TAGAP: variants seen among roughly 807,000 people sequenced by gnomAD.
TAGAP encodes the protein T cell activation RhoGTPase activating protein.
In TAGAP, 16 loss-of-function variants were observed where a neutral mutation model predicts 36.0. The observed-to-expected ratio is 0.44, with a 90% CI of 0.30 to 0.68. The LOEUF (loss-of-function observed/expected upper bound fraction) is 0.68. Ranked by LOEUF, TAGAP falls within the 30% of genes least tolerant of loss-of-function variation. The pLI is 0.09. For missense variants in TAGAP, 794 were observed against 921.5 expected, an observed-to-expected ratio of 0.86 and a Z score of 1.79; for synonymous variants, 372 against 377.4, an observed-to-expected ratio of 0.99 and a Z score of 0.17.
In TAGAP at chr6:159,036,373, G is replaced by A. The variant is rs566681621; in HGVS notation, c.1650C>T (p.Ala550=). Residue 550 remains alanine, a synonymous_variant, in exon 10 of 10, where the codon GCC becomes GCT. Coordinates refer to ENST00000367066, the MANE Select transcript of TAGAP (RefSeq NM_054114.5). The surrounding 1 kb of genome is among the most constrained non-coding windows in gnomAD (Gnocchi z 4.9). The stretch of plus-strand genomic sequence containing the variant: ...ACCCATTTTCCTGCACGATTCGGCC[G>A]GCAAGCTGGCTTTCCTTTCTGACAC... ...PRGVRKESQL[A]GRIVQENGCE... 1.9e-6 allele frequency: 3 copies of A among 1,614,034 alleles called. No homozygotes were observed. The highest frequency in any genetic ancestry group is 2.2e-5 in the South Asian group (2 of 91,072).
Position 159,035,716 on chromosome 6 carries a change from A to C in TAGAP, c.*111T>G. 1.7e-6 allele frequency: 2 copies of C among 1,177,146 alleles called. No individual in the cohort carries two copies. Among genetic ancestry groups the C allele is most frequent in the African/African-American group, 1.5e-5 (1 of 65,084 alleles). The allele number at this position is 1,177,146 out of a possible 1,614,324, so 72.9% of individuals were successfully genotyped here. The stretch of plus-strand genomic sequence containing the variant: ...TCCTCACTGAGGAGGGCTTTCCACA[A>C]CTTTCTCAAGGAGCTTATTCAAGAC... On this transcript the variant is annotated 3_prime_UTR_variant, in exon 10 of 10. Coordinates refer to ENST00000367066, the MANE Select transcript of TAGAP (RefSeq NM_054114.5).
rs1389899774 is a variant in TAGAP at position 159,042,170 on chromosome 6, CA to C, written c.222del (p.Ala76LeufsTer6). The part of the protein sequence containing the change: ...MRRLSPASDF[S>X]GALETDLKAS... ...GCTTTCAAGTCTGTCTCCAAAGCCC[CA>C]GAAAAATCTGATGCAGGGGAGAGCC... On this transcript the variant is annotated frameshift_variant, in exon 5 of 10. Transcript: ENST00000367066. LOFTEE classifies it high-confidence loss of function. 1 of 1,614,194 alleles carries C rather than the reference CA, an allele frequency of 6.2e-7. No homozygotes were observed. The highest frequency in any genetic ancestry group is 2.2e-5 in the East Asian group (1 of 44,890).
intron 3 of TAGAP, 89 bp from the exon 4 acceptor site, chr6:159,043,744 A>G (rs1400201028): frequency 3.7e-6 from 5 of 1,338,294 alleles, no homozygotes; most frequent in Non-Finnish European, 5.3e-6. Context: ...CATTTTATTC[A>G]TATTAAAAAT....
chr6:159,044,925 A>G lies in TAGAP; in HGVS notation c.-105T>C, dbSNP rs1779875124. 2.5e-6 allele frequency: 1 copy of G among 398,706 alleles called. No individual in the cohort carries two copies. Among genetic ancestry groups the G allele is most frequent in the South Asian group, 1.3e-4 (1 of 7,860 alleles). 24.7% of individuals were successfully genotyped at this position (398,706 alleles called of 1,614,324 possible). A position where few individuals can be genotyped will look rare whatever the true frequency, so the allele number is the denominator to read the frequency against. ...AGTTCTTTTACATCCGGTGAGCTGTAAAGAATGGGAGAAACAGCATAACTC... is the reference window on the plus strand; with the variant it reads ...AGTTCTTTTACATCCGGTGAGCTGTGAAGAATGGGAGAAACAGCATAACTC... On this transcript the variant is annotated 5_prime_UTR_variant, in exon 1 of 10. Coordinates refer to ENST00000367066, the MANE Select transcript of TAGAP (RefSeq NM_054114.5).
rs1307728125 is a variant in TAGAP at position 159,041,274 on chromosome 6, A to G, written c.477+80T>C. On this transcript the variant is annotated intron_variant, in intron 6 of 9. Transcript: ENST00000367066. This position sits in a 1 kb window ranked among gnomAD's most constrained non-coding sequence, Gnocchi z 4.1. ...CAGTGTACCTTGCTGTGTGGGGAGA[A>G]GAGCCTATTTCTTGCATCCTGAGAA... The G allele has an allele frequency of 6.5e-7, 1 of 1,538,478 alleles. No homozygotes were observed.
Position 159,041,167 on chromosome 6 carries a change from T to C in TAGAP, c.477+187A>G, listed in dbSNP as rs1779733715. ...GGAGAGCAGAATGCATCACTTTCTG[T>C]TGGAATCTGAGGTCACAGAAACAGA... On this transcript the variant is annotated intron_variant, in intron 6 of 9. Coordinates refer to ENST00000367066, the MANE Select transcript of TAGAP (RefSeq NM_054114.5). The surrounding 1 kb of genome is among the most constrained non-coding windows in gnomAD (Gnocchi z 4.1). 1 of 748,104 alleles carries C rather than the reference T, an allele frequency of 1.3e-6. No individual in the cohort carries two copies. The highest frequency in any genetic ancestry group is 2.8e-5 in the East Asian group (1 of 36,048). The allele number at this position is 748,104 out of a possible 1,614,324, so 46.3% of individuals were successfully genotyped here. A position where few individuals can be genotyped will look rare whatever the true frequency, so the allele number is the denominator to read the frequency against.
chr6:159,039,120 G>C lies in TAGAP; in HGVS notation c.777C>G (p.Asn259Lys). The C allele has an allele frequency of 6.2e-7, 1 of 1,614,218 alleles. No homozygotes were observed. Among genetic ancestry groups the C allele is most frequent in the South Asian group, 1.1e-5 (1 of 91,080 alleles). Residue 259 changes from asparagine to lysine, a missense_variant, in exon 8 of 10, where the codon AAC becomes AAG. Coordinates refer to ENST00000367066, the MANE Select transcript of TAGAP (RefSeq NM_054114.5). ...ATCAGTAAGCAGAACAAACCTTGTT[G>C]TTCAGGTCCTTCTGGGCTTCAAATG... is the stretch of plus-strand genomic sequence containing the variant. ...SLSFEAQKDL[N>K]NKVKTLVEFL...
At position 159,034,922 on chromosome 6, in the gene TAGAP, G is replaced by A. The variant is rs1779478237; in HGVS notation, c.*905C>T. 1 of 152,312 alleles carries A rather than the reference G, an allele frequency of 6.6e-6. No homozygotes were observed. The highest frequency in any genetic ancestry group is 1.5e-5 in the Non-Finnish European group (1 of 68,036). The allele number at this position is 152,312 out of a possible 1,614,324, so 9.4% of individuals were successfully genotyped here. On this transcript the variant is annotated 3_prime_UTR_variant, in exon 10 of 10. Transcript: ENST00000367066. ...AAATGCTTGTTGAGTGAACCAATATGTGAATGATTTTCTTAGTGGATTTCT... is the reference window on the plus strand; with the variant it reads ...AAATGCTTGTTGAGTGAACCAATATATGAATGATTTTCTTAGTGGATTTCT...
At chr6:159,038,065 G>C (rs556418748) in intron 9 of TAGAP, 49 bp downstream of exon 9, 1 of 1,235,172 alleles carries the variant, frequency 8.1e-7, no homozygotes, top group South Asian at 1.3e-5. Flanking sequence ...TGGCAGACTG[G>C]CATGAACTTT....
At position 159,036,323 on chromosome 6, in the gene TAGAP, C is replaced by T. The variant is rs764365414; in HGVS notation, c.1700G>A (p.Arg567His). 6.8e-6 allele frequency: 11 copies of T among 1,613,674 alleles called. No homozygotes were observed. The highest frequency in any genetic ancestry group is 7.6e-6 in the Non-Finnish European group (9 of 1,180,002). ...NGCETHNQTA[R>H]GFCLRPHALS... is the part of the protein sequence containing the mutation. ...GGCGTGGGGTCTCAGGCAGAAGCCG[C>T]GGGCTGTTTGGTTGTGGGTTTCACA... The change falls in exon 10 of 10, where the codon CGC becomes CAC. Residue 567 changes from arginine (R) to histidine (H), a missense_variant. Coordinates refer to ENST00000367066, the MANE Select transcript of TAGAP (RefSeq NM_054114.5). The surrounding 1 kb of genome is among the most constrained non-coding windows in gnomAD (Gnocchi z 4.9).
At position 159,036,659 on chromosome 6, in the gene TAGAP, A is replaced by G. The variant is rs779630199; in HGVS notation, c.1364T>C (p.Leu455Pro). 2 of 1,614,190 alleles carry G rather than the reference A, an allele frequency of 1.2e-6. No individual in the cohort carries two copies. The highest frequency in any genetic ancestry group is 1.6e-4 in the Middle Eastern group (1 of 6,062). ...LAPGSVLPRA[L>P]VLKAFSSSSL... ...GCTGCTGGAGAAGGCTTTGAGAACC[A>G]GTGCCCGCGGGAGCACCGAACCCGG... Residue 455 changes from leucine to proline, a missense_variant, in exon 10 of 10, where the codon CTG (leucine) becomes CCG (proline). Leu to Pro is a moderately conservative substitution (Grantham distance 98). Transcript: ENST00000367066. The surrounding 1 kb of genome is among the most constrained non-coding windows in gnomAD (Gnocchi z 4.9).
intron 6 of TAGAP, 66 bp from the exon 7 acceptor site, chr6:159,040,898 C>T: frequency 2.2e-6 from 3 of 1,336,094 alleles, no homozygotes; most frequent in Non-Finnish European, 2.1e-6. Context: ...TTGTTTTCAC[C>T]CGGTTTTCGT....
intron 7 of TAGAP, among the ~76,000 whole-genome samples, 173 bp downstream of exon 7, chr6:159,040,550 T>C (rs1779709952): frequency 6.6e-6 from 1 of 152,212 alleles, no homozygotes; most frequent in Non-Finnish European, 1.5e-5. Context: ...AATTCAAAAG[T>C]CCAGGGCACC....
chr6:159,039,572 G>C (rs1219461656), intron 7 of TAGAP, among the ~76,000 whole-genome samples: 1 of 152,178 alleles, frequency 6.6e-6, no homozygotes, highest in South Asian at 2.1e-4. Flanking sequence ...TTTATACAGA[G>C]CTTAAATTAT....
intron 7 of TAGAP, among the ~76,000 whole-genome samples, chr6:159,039,833 A>ATCGCAACATTGTTTCTAATGAT (rs1779684866): frequency 6.6e-6 from 1 of 152,238 alleles, no homozygotes; most frequent in Non-Finnish European, 1.5e-5. Flanking sequence ...CGGCACTTAA[A>ATCGCAACATTGTTTCTAATGAT]TCGCAACATT....
Position 159,036,565 on chromosome 6 carries a change from G to C in TAGAP, c.1458C>G (p.Ser486Arg). Residue 486 changes from serine (S) to arginine (R), a missense_variant, in exon 10 of 10, where the codon AGC (serine) becomes AGG (arginine). By Grantham distance (110) the Ser-to-Arg change is moderately radical. Transcript: ENST00000367066. The surrounding 1 kb of genome is among the most constrained non-coding windows in gnomAD (Gnocchi z 4.9). Reference sequence around the variant, plus strand: ...TCTTTGTGGTGAAAGACTGATGTCTGCTGAAGAAATTTCTTTTGGGACTGG... The same window carrying C: ...TCTTTGTGGTGAAAGACTGATGTCTCCTGAAGAAATTTCTTTTGGGACTGG... ...SPSSPKRNFFSRHQSFTTKTE... is the reference protein window; with the variant it reads ...SPSSPKRNFFRRHQSFTTKTE... The C allele has an allele frequency of 6.2e-7, 1 of 1,614,148 alleles. No individual in the cohort carries two copies.
chr6:159,042,140 G>C lies in TAGAP; in HGVS notation c.253C>G (p.Leu85Val). ...GALETDLKASLFDQPLSIICG... is the reference protein window; with the variant it reads ...GALETDLKASVFDQPLSIICG... ...ATAATTGACAAGGGCTGATCAAATAGCGATGCTTTCAAGTCTGTCTCCAAA... is the reference window on the plus strand; with the variant it reads ...ATAATTGACAAGGGCTGATCAAATACCGATGCTTTCAAGTCTGTCTCCAAA... The change falls in exon 5 of 10, where the codon CTA becomes GTA. Residue 85 changes from leucine (L) to valine (V), a missense_variant. Coordinates refer to ENST00000367066, the MANE Select transcript of TAGAP (RefSeq NM_054114.5). 6.2e-7 allele frequency: 1 copy of C among 1,614,200 alleles called. No homozygotes were observed. The highest frequency in any genetic ancestry group is 8.5e-7 in the Non-Finnish European group (1 of 1,180,026).
Position 159,041,624 on chromosome 6 carries a change from T to A in TAGAP, c.316-109A>T. The A allele has an allele frequency of 1.6e-6, 2 of 1,239,268 alleles. No homozygotes were observed. Among genetic ancestry groups the A allele is most frequent in the Non-Finnish European group, 2.2e-6 (2 of 919,420 alleles). 76.8% of individuals were successfully genotyped at this position (1,239,268 alleles called of 1,614,324 possible). Reference sequence around the variant, plus strand: ...CAGATTTTGCTTTCAGTCCAGTTGCTGTCAATGGCCTTCCTCAACCCTGCT... The same window carrying A: ...CAGATTTTGCTTTCAGTCCAGTTGCAGTCAATGGCCTTCCTCAACCCTGCT... On this transcript the variant is annotated intron_variant, in intron 5 of 9. Transcript: ENST00000367066. This position sits in a 1 kb window ranked among gnomAD's most constrained non-coding sequence, Gnocchi z 4.1.
Position 159,043,746 on chromosome 6 carries a change from A to T in TAGAP, c.82-91T>A. The T allele has an allele frequency of 4.5e-6, 6 of 1,331,550 alleles. No individual in the cohort carries two copies. In the South Asian group the frequency reaches 7.2e-5, roughly 16 times the overall value. The allele number at this position is 1,331,550 out of a possible 1,614,324, so 82.5% of individuals were successfully genotyped here. A position where few individuals can be genotyped will look rare whatever the true frequency, so the allele number is the denominator to read the frequency against. ...AACACACATACAGCATTTTATTCAT[A>T]TTAAAAATGAAGTCAGTAGAGTGCA... On this transcript the variant is annotated intron_variant, in intron 3 of 9. Transcript: ENST00000367066.
Sources: gnomAD v4.1 joint callset for allele counts (sites outside exome capture counted in the v4.1 genomes callset) on GRCh38, gnomAD v4.1.1 for gene constraint, Gnocchi (gnomAD v3.1) non-coding constraint, MANE v1.5 for transcripts, NCBI Gene and HGNC (gene_info 2026-07-23, HGNC 2026-07-21) for gene names.